The following ANKS1B variants were observed in gnomAD, a reference collection of about 807,000 sequenced individuals.
ANKS1B encodes the protein ankyrin repeat and sterile alpha motif domain containing 1B.
Under a neutral mutation model 148.3 loss-of-function variants are expected in ANKS1B, and 36 were observed. That is an observed-to-expected ratio of 0.24 (90% CI 0.19 to 0.32). ANKS1B has a LOEUF of 0.32. ANKS1B is among the 10% of genes least tolerant of loss of function. The probability of loss-of-function intolerance (pLI) is 1.00; values close to 1 mark genes in which losing one functional copy is unlikely to be tolerated. For missense variants in ANKS1B, 1,157 were observed against 1,542.6 expected (o/e 0.75, Z 4.19); for synonymous variants, 542 against 560.8 (o/e 0.97, Z 0.47).
At chr12:98,883,150 CT>C (rs1361211745) in intron 17 of ANKS1B, among the ~76,000 whole-genome samples, 1 of 152,198 alleles carries the variant, frequency 6.6e-6, no homozygotes, top group African/African-American at 2.4e-5. Flanking sequence ...CAAATTATTT[CT>C]TATATTTCAT....
In ANKS1B at chr12:98,801,903, T is replaced by C. The variant is rs563952239; in HGVS notation, c.3142-778A>G. On this transcript the variant is annotated intron_variant, in intron 20 of 26. Coordinates refer to ENST00000683438, the MANE Select transcript of ANKS1B (RefSeq NM_001352186.2). The surrounding 1 kb of genome is among the most constrained non-coding windows in gnomAD (Gnocchi z 5.2). ...CCTCCCATCATTTCATTTATCATTT[T>C]CCATGAGGTTAGCCTCAACCTGTTT... is the stretch of plus-strand genomic sequence containing the variant. Among the ~76,000 whole-genome samples, 4 of 152,336 alleles carry C rather than the reference T, an allele frequency of 2.6e-5. No individual in the cohort carries two copies. Among genetic ancestry groups the C allele is most frequent in the African/African-American group, 9.6e-5 (4 of 41,590 alleles).
intron 11 of ANKS1B, among the ~76,000 whole-genome samples, chr12:99,421,826 A>G (rs554881175): frequency 1.3e-5 from 2 of 152,184 alleles, no homozygotes; most frequent in African/African-American, 4.8e-5. Context: ...GTGGGAGGTG[A>G]CTGGGTCAAT....
At chr12:99,369,791 T>TAGATAGATGGATGGATGGAC (rs879173702) in intron 12 of ANKS1B, among the ~76,000 whole-genome samples, 1 of 148,892 alleles carries the variant, frequency 6.7e-6, no homozygotes, top group East Asian at 2.0e-4. Context: ...GATAGATAGA[T>TAGATAGATGGATGGATGGAC]GGACGGACGG....
intron 14 of ANKS1B, among the ~76,000 whole-genome samples, chr12:99,178,776 C>T (rs2078727595): frequency 6.6e-6 from 1 of 151,934 alleles, no homozygotes; most frequent in African/African-American, 2.4e-5. Flanking sequence ...AATAAGATAA[C>T]AAAAATAACA....
chr12:99,368,508 T>A (rs1337030288), intron 12 of ANKS1B, among the ~76,000 whole-genome samples: 1 of 152,084 alleles, frequency 6.6e-6, no homozygotes, highest in Admixed American at 6.5e-5. Flanking sequence ...ATTTTCATTA[T>A]AAAAGAAAAG....
chr12:99,979,038 T>C (rs1170359147), intron 1 of ANKS1B, among the ~76,000 whole-genome samples: 3 of 152,142 alleles, frequency 2.0e-5, no homozygotes, highest in African/African-American at 7.2e-5. Flanking sequence ...ATTAGTTTTG[T>C]TTAGAATAAA....
At chr12:99,630,621 C>T (rs1401671488) in intron 9 of ANKS1B, among the ~76,000 whole-genome samples, 1 of 152,160 alleles carries the variant, frequency 6.6e-6, no homozygotes, top group Non-Finnish European at 1.5e-5. Context: ...ATCAGGCATG[C>T]CCTCTTAAAA....
chr12:99,955,777 C>T (rs1185621848), intron 1 of ANKS1B, among the ~76,000 whole-genome samples: 1 of 151,890 alleles, frequency 6.6e-6, no homozygotes, highest in Non-Finnish European at 1.5e-5. Flanking sequence ...AAGTACAGTA[C>T]CAGGCATGTG....
At chr12:99,848,779 C>G (rs2087160286) in intron 1 of ANKS1B, among the ~76,000 whole-genome samples, 1 of 151,346 alleles carries the variant, frequency 6.6e-6, no homozygotes, top group African/African-American at 2.4e-5. Context: ...AGGCACACAG[C>G]CCAATAAAAA....
intron 25 of ANKS1B, among the ~76,000 whole-genome samples, chr12:98,753,990 G>A (rs1223856675): frequency 6.6e-6 from 1 of 152,120 alleles, no homozygotes. Context: ...GAGGCCCAAG[G>A]GTTCTAGACC....
intron 12 of ANKS1B, among the ~76,000 whole-genome samples, chr12:99,290,147 A>G (rs1238033301): frequency 6.6e-6 from 1 of 151,926 alleles, no homozygotes. Context: ...ACTCTATGCC[A>G]ATAAATTGAA....
chr12:99,021,141 C>T (rs563426448), intron 17 of ANKS1B, among the ~76,000 whole-genome samples: 84 of 152,230 alleles, frequency 5.5e-4, no homozygotes, highest in Non-Finnish European at 9.6e-4. Flanking sequence ...TTTGCCTAGT[C>T]TCAACACTAG....
intron 22 of ANKS1B, among the ~76,000 whole-genome samples, chr12:98,796,753 T>C (rs2098953294): frequency 6.6e-6 from 1 of 152,158 alleles, no homozygotes; most frequent in Admixed American, 6.5e-5. Context: ...ACCAGAAAAA[T>C]GCCCCCCAAA....
chr12:98,777,674 C>T (rs1005374359), intron 24 of ANKS1B, among the ~76,000 whole-genome samples: 5 of 152,240 alleles, frequency 3.3e-5, no homozygotes, highest in Admixed American at 1.3e-4. Flanking sequence ...AGATCGCTTT[C>T]TGCTTCCTCC....
At chr12:99,965,224 T>A (rs1340475302) in intron 1 of ANKS1B, among the ~76,000 whole-genome samples, 1 of 152,104 alleles carries the variant, frequency 6.6e-6, no homozygotes, top group African/African-American at 2.4e-5. Context: ...TCCTGGAACA[T>A]TTTATGATGC....
chr12:99,494,046 A>G (rs1595848623), intron 10 of ANKS1B, among the ~76,000 whole-genome samples: 1 of 152,318 alleles, frequency 6.6e-6, no homozygotes, highest in African/African-American at 2.4e-5. Flanking sequence ...CAGCCATCAC[A>G]ATAGAGAAGG....
intron 8 of ANKS1B, among the ~76,000 whole-genome samples, chr12:99,691,866 C>A (rs1414288653): frequency 6.6e-6 from 1 of 152,138 alleles, no homozygotes; most frequent in Non-Finnish European, 1.5e-5. Context: ...ACTGAGATAA[C>A]AAATGGGTGT....
intron 26 of ANKS1B, among the ~76,000 whole-genome samples, chr12:98,749,045 C>T (rs1260240808): frequency 6.6e-6 from 1 of 152,188 alleles, no homozygotes; most frequent in Non-Finnish European, 1.5e-5. Flanking sequence ...TGAACACCTG[C>T]TATGGGCCTG....
intron 10 of ANKS1B, among the ~76,000 whole-genome samples, chr12:99,457,916 C>T (rs184487829): frequency 7.2e-5 from 11 of 152,030 alleles, no homozygotes; most frequent in Admixed American, 3.3e-4. Context: ...ATGGACTAAA[C>T]GGATATTTAC....
Sources: gnomAD v4.1 joint callset for allele counts (sites outside exome capture counted in the v4.1 genomes callset) on GRCh38, gnomAD v4.1.1 for gene constraint, Gnocchi (gnomAD v3.1) non-coding constraint, MANE v1.5 for transcripts, NCBI Gene and HGNC (gene_info 2026-07-23, HGNC 2026-07-21) for gene names.